The following PRAMEF9 variants were observed in gnomAD, a reference collection of about 807,000 sequenced individuals.
The protein encoded by PRAMEF9 is PRAME family member 9/15.
Under a neutral mutation model 10.9 loss-of-function variants are expected in PRAMEF9, and 1 was observed. The observed-to-expected ratio is 0.09, with a 90% CI of 0.03 to 0.44. The LOEUF (loss-of-function observed/expected upper bound fraction) is 0.44. Ranked by LOEUF, PRAMEF9 falls within the 20% of genes least tolerant of loss-of-function variation. The pLI is 0.97. For synonymous variants in PRAMEF9, 40 were observed against 148.3 expected (o/e 0.27, Z 5.31); for missense variants, 126 against 379.8 (o/e 0.33, Z 5.55).
At position 13,175,399 on chromosome 1, in the gene PRAMEF9, CA is replaced by C. The variant is rs1434082201; in HGVS notation, c.120del (p.Leu41CysfsTer14). On this transcript the variant is annotated frameshift_variant, in exon 2 of 4. Coordinates refer to ENST00000415919, the MANE Select transcript of PRAMEF9 (RefSeq NM_001010890.3). LOFTEE classifies it high-confidence loss of function. The part of the protein sequence containing the change: ...LEELPTELFP[P>X]LFMEAFSRRR... ...GAGCTGCCCACAGAACTTTTCCCCC[CA>C]CTGTTCATGGAGGCCTTCAGCAGGA... is the stretch of plus-strand genomic sequence containing the variant. 1.3e-6 allele frequency: 2 copies of C among 1,520,340 alleles called. No individual in the cohort carries two copies. Among genetic ancestry groups the C allele is most frequent in the African/African-American group, 2.8e-5 (2 of 72,246 alleles). 94.2% of individuals were successfully genotyped at this position (1,520,340 alleles called of 1,614,324 possible).
intron 1 of PRAMEF9, 80 bp downstream of exon 1, chr1:13,172,612 A>G (rs1346602228): frequency 2.2e-5 from 3 of 136,996 alleles, no homozygotes; most frequent in African/African-American, 7.4e-5. Flanking sequence ...GCAGCCTAAG[A>G]TGGCAGAGAG....
Position 13,172,327 on chromosome 1 carries a change from A to T in PRAMEF9, c.-222A>T, listed in dbSNP as rs1638333035. 1.1e-4 allele frequency: 2 copies of T among 18,062 alleles called. No individual in the cohort carries two copies. The highest frequency in any genetic ancestry group is 2.0e-4 in the Non-Finnish European group (2 of 9,898). The allele number at this position is 18,062 out of a possible 1,614,324, so 1.1% of individuals were successfully genotyped here. A position where few individuals can be genotyped will look rare whatever the true frequency, so the allele number is the denominator to read the frequency against. On this transcript the variant is annotated 5_prime_UTR_variant, in exon 1 of 4. Coordinates refer to ENST00000415919, the MANE Select transcript of PRAMEF9 (RefSeq NM_001010890.3). ...AACCCAATCAGGATTACCTGGGTGG[A>T]GTGGAGCTTCACAAATGCAATCAGA...
rs1638451384 is a variant in PRAMEF9 at position 13,179,425 on chromosome 1, G to C, written c.*293G>C. The stretch of plus-strand genomic sequence containing the variant: ...TGAGGGAGTTACTCTTGCATGGATG[G>C]TTGTAAAGAAACAATCAGAAATAAA... On this transcript the variant is annotated 3_prime_UTR_variant, in exon 4 of 4. Coordinates refer to ENST00000415919, the MANE Select transcript of PRAMEF9 (RefSeq NM_001010890.3). 1.9e-6 allele frequency: 1 copy of C among 518,960 alleles called. No homozygotes were observed. Among genetic ancestry groups the C allele is most frequent in the East Asian group, 3.5e-5 (1 of 28,424 alleles). 32.1% of individuals were successfully genotyped at this position (518,960 alleles called of 1,614,324 possible). A position where few individuals can be genotyped will look rare whatever the true frequency, so the allele number is the denominator to read the frequency against.
At chr1:13,172,844 G>A (rs1638343214) in intron 1 of PRAMEF9, 7 of 141,264 alleles carry the variant, frequency 5.0e-5, no homozygotes, top group South Asian at 2.3e-4. Flanking sequence ...ACCAACCTGG[G>A]CAACATGACA....
Position 13,179,086 on chromosome 1 carries a change from G to T in PRAMEF9, c.1391G>T (p.Gly464Val), listed in dbSNP as rs782581144. The change falls in exon 4 of 4, where the codon GGC becomes GTC. Residue 464 changes from glycine to valine, a missense_variant. Transcript: ENST00000415919. ...FFCIDNCPDCGNRSFYDLEAD... is the reference protein window; with the variant it reads ...FFCIDNCPDCVNRSFYDLEAD... ...TGTATTGACAACTGCCCTGACTGTG[G>T]CAACAGGTCATTTTATGACCTGGAG... 9 of 1,541,190 alleles carry T rather than the reference G, an allele frequency of 5.8e-6. No homozygotes were observed. The highest frequency in any genetic ancestry group is 2.7e-5 in the African/African-American group (2 of 74,218).
At chr1:13,172,684 T>C (rs1638340283) in intron 1 of PRAMEF9, 152 bp downstream of exon 1, 1 of 133,894 alleles carries the variant, frequency 7.5e-6, no homozygotes, top group South Asian at 2.4e-4. Context: ...TGTTTTCCTC[T>C]AAATGCAGTT....
chr1:13,175,242 T>A, intron 1 of PRAMEF9, 23 bp from the exon 2 acceptor site: 1 of 1,441,380 alleles, frequency 6.9e-7, no homozygotes. Context: ...TGATGCCTTT[T>A]CTCTGGGTTT....
intron 1 of PRAMEF9, chr1:13,172,919 C>A (rs2100352468): frequency 7.3e-6 from 1 of 137,902 alleles, no homozygotes; most frequent in East Asian, 2.5e-4. Flanking sequence ...GTTGCCCAGA[C>A]TGGAGTGCAG....
chr1:13,175,199 A>G lies in PRAMEF9; in HGVS notation c.-16-66A>G, dbSNP rs1255138553. The G allele has an allele frequency of 5.1e-6, 7 of 1,375,096 alleles. No individual in the cohort carries two copies. In the African/African-American group the frequency reaches 6.9e-5, roughly 14 times the overall value. The allele number at this position is 1,375,096 out of a possible 1,614,324, so 85.2% of individuals were successfully genotyped here. On this transcript the variant is annotated intron_variant, in intron 1 of 3. Transcript: ENST00000415919. ...CCAGAGCAGTGAGTTTGGCCATAGG[A>G]GAAGATGAGATTGCATGGGCTTGGC... is the stretch of plus-strand genomic sequence containing the variant.
rs1196550196 is a variant in PRAMEF9, at chr1:13,179,203, AG to A, written c.*73del. 7.8e-7 allele frequency: 1 copy of A among 1,279,086 alleles called. No homozygotes were observed. Among genetic ancestry groups the A allele is most frequent in the Admixed American group, 1.9e-5 (1 of 53,006 alleles). 79.2% of individuals were successfully genotyped at this position (1,279,086 alleles called of 1,614,324 possible). On this transcript the variant is annotated 3_prime_UTR_variant, in exon 4 of 4. Coordinates refer to ENST00000415919, the MANE Select transcript of PRAMEF9 (RefSeq NM_001010890.3). ...ACTTGGAAACTAAAACCTAGGTCTT[AG>A]GTACATCCTAAAGGGAGCACAGAAC...
At position 13,172,033 on chromosome 1, in the gene PRAMEF9, A is replaced by C. The variant is rs1412197207; in HGVS notation, c.-516A>C. The stretch of plus-strand genomic sequence containing the variant: ...TGGACTATAGGCGCAGACCACCGCA[A>C]CTGGCTAATTTTTGTAATTTTAGTA... On this transcript the variant is annotated 5_prime_UTR_variant, in exon 1 of 4. Transcript: ENST00000415919. The C allele has an allele frequency of 3.5e-5, 5 of 142,254 alleles. 1 individual carries two copies. The highest frequency in any genetic ancestry group is 4.9e-5 in the African/African-American group (2 of 40,758). 8.8% of individuals were successfully genotyped at this position (142,254 alleles called of 1,614,324 possible).
Position 13,175,248 on chromosome 1 carries a change from G to C in PRAMEF9, c.-16-17G>C. ...GCCTGAGAGTGATGCCTTTTCTCTG[G>C]GTTTGTCCTCTGGAAGTTTTCCCTG... On this transcript the variant is annotated splice_polypyrimidine_tract_variant and intron_variant, in intron 1 of 3. Coordinates refer to ENST00000415919, the MANE Select transcript of PRAMEF9 (RefSeq NM_001010890.3). The C allele has an allele frequency of 7.0e-7, 1 of 1,427,468 alleles. No individual in the cohort carries two copies. The highest frequency in any genetic ancestry group is 9.7e-7 in the Non-Finnish European group (1 of 1,032,244). The allele number at this position is 1,427,468 out of a possible 1,614,324, so 88.4% of individuals were successfully genotyped here. A position where few individuals can be genotyped will look rare whatever the true frequency, so the allele number is the denominator to read the frequency against.
chr1:13,175,115 C>G, intron 1 of PRAMEF9, 150 bp from the exon 2 acceptor site: 1 of 872,758 alleles, frequency 1.1e-6, no homozygotes, highest in Non-Finnish European at 1.8e-6. Flanking sequence ...AGAATGCTGG[C>G]TTAATGGCCA....
At position 13,171,941 on chromosome 1, in the gene PRAMEF9, G is replaced by C. The variant is rs1569607743; in HGVS notation, c.-608G>C. On this transcript the variant is annotated 5_prime_UTR_variant, in exon 1 of 4. Transcript: ENST00000415919. The stretch of plus-strand genomic sequence containing the variant: ...CCAGGCTGGAGTTCAGTGGTGTATT[G>C]TCAGCTCACTGCAACCTCTGCCTCC... 1.7e-5 allele frequency: 2 copies of C among 118,942 alleles called. No individual in the cohort carries two copies. The highest frequency in any genetic ancestry group is 3.6e-5 in the Non-Finnish European group (2 of 56,314). The allele number at this position is 118,942 out of a possible 1,614,324, so 7.4% of individuals were successfully genotyped here.
In PRAMEF9 at chr1:13,172,699, C is replaced by G. The variant is rs1205406610; in HGVS notation, c.-17+167C>G. 8 of 134,986 alleles carry G rather than the reference C, an allele frequency of 5.9e-5. 1 individual carries two copies. The highest frequency in any genetic ancestry group is 1.2e-4 in the Non-Finnish European group (7 of 59,604). The allele number at this position is 134,986 out of a possible 1,614,324, so 8.4% of individuals were successfully genotyped here. A position where few individuals can be genotyped will look rare whatever the true frequency, so the allele number is the denominator to read the frequency against. The stretch of plus-strand genomic sequence containing the variant: ...TGTTTTCCTCTAAATGCAGTTCTGT[C>G]TTTATTTCAAAAAAGTTGATTGTGC... On this transcript the variant is annotated intron_variant, in intron 1 of 3. Transcript: ENST00000415919.
intron 1 of PRAMEF9, 125 bp downstream of exon 1, chr1:13,172,657 C>A (rs1638339927): frequency 2.2e-5 from 3 of 134,600 alleles, no homozygotes; most frequent in East Asian, 2.8e-4. Flanking sequence ...TATATATGAA[C>A]AATTTGAAGC....
intron 1 of PRAMEF9, 82 bp from the exon 2 acceptor site, chr1:13,175,183 T>C: frequency 1.5e-6 from 2 of 1,348,626 alleles, no homozygotes; most frequent in Non-Finnish European, 1.0e-6. Flanking sequence ...GCCAGAGCAG[T>C]GAGTTTGGCC....
chr1:13,172,690 C>G (rs1638340364), intron 1 of PRAMEF9, 158 bp downstream of exon 1: 1 of 134,170 alleles, frequency 7.5e-6, no homozygotes, highest in Non-Finnish European at 1.7e-5. Context: ...CCTCTAAATG[C>G]AGTTCTGTCT....
chr1:13,172,138 G>C lies in PRAMEF9; in HGVS notation c.-411G>C, dbSNP rs1421522794. 6 of 144,528 alleles carry C rather than the reference G, an allele frequency of 4.2e-5. 1 individual carries two copies. Among genetic ancestry groups the C allele is most frequent in the Admixed American group, 7.0e-5 (1 of 14,268 alleles). The allele number at this position is 144,528 out of a possible 1,614,324, so 9.0% of individuals were successfully genotyped here. Reference sequence around the variant, plus strand: ...AATCCACCTGCCTCTGCCTCCCACAGTGCTGGGATTACAGGTGTGAGCCAC... The same window carrying C: ...AATCCACCTGCCTCTGCCTCCCACACTGCTGGGATTACAGGTGTGAGCCAC... On this transcript the variant is annotated 5_prime_UTR_variant, in exon 1 of 4. Coordinates refer to ENST00000415919, the MANE Select transcript of PRAMEF9 (RefSeq NM_001010890.3).
Sources: gnomAD v4.1 joint callset for allele counts on GRCh38, gnomAD v4.1.1 for gene constraint, MANE v1.5 for transcripts, NCBI Gene and HGNC (gene_info 2026-07-23, HGNC 2026-07-21) for gene names.